The following AUNIP variants were observed in gnomAD, a reference collection of about 807,000 sequenced individuals.
AUNIP encodes aurora kinase A and ninein interacting protein.
Under a neutral mutation model 12.2 loss-of-function variants are expected in AUNIP, and 16 were observed. That is an observed-to-expected ratio of 1.31 (90% CI 0.88 to 1.99). The LOEUF is 1.99. Ranked by LOEUF, AUNIP falls within the 30% of genes most tolerant of loss-of-function variation. The pLI, the probability that AUNIP is intolerant of heterozygous loss-of-function variation, is 0.00. For missense variants in AUNIP, 411 were observed against 419.1 expected (o/e 0.98, Z 0.17); for synonymous variants, 142 against 154.8 (o/e 0.92, Z 0.61).
At chr1:25,837,585 C>T in intron 1 of AUNIP, 31 bp from the exon 2 acceptor site, 1 of 1,597,728 alleles carries the variant, frequency 6.3e-7, no homozygotes, top group South Asian at 1.1e-5. Context: ...GAATAATGAG[C>T]CTATTAATAT....
At position 25,835,217 on chromosome 1, in the gene AUNIP, A is replaced by G. The variant is rs377379227; in HGVS notation, c.850T>C (p.Trp284Arg). 18 of 1,614,070 alleles carry G rather than the reference A, an allele frequency of 1.1e-5. No individual in the cohort carries two copies. Among genetic ancestry groups the G allele is most frequent in the African/African-American group, 2.7e-5 (2 of 74,946 alleles). Reference sequence around the variant, plus strand: ...GAATCTTCAGTGAAAAGTTGACTCCAGGAGTCCTTGTCATTCTTTTCATTG... The same window carrying G: ...GAATCTTCAGTGAAAAGTTGACTCCGGGAGTCCTTGTCATTCTTTTCATTG... ...WDNEKNDKDS[W>R]SQLFTEDSQG... is the part of the protein sequence containing the mutation. Residue 284 changes from tryptophan to arginine, a missense_variant, in exon 3 of 3, where the codon TGG (tryptophan) becomes CGG (arginine). Trp to Arg is a moderately radical substitution (Grantham distance 101). Coordinates refer to ENST00000374298, the MANE Select transcript of AUNIP (RefSeq NM_024037.3).
Position 25,853,246 on chromosome 1 carries a change from G to A in AUNIP, c.78+6034C>T, listed in dbSNP as rs1156845046. On this transcript the variant is annotated intron_variant, in intron 1 of 2. Transcript: ENST00000374298. ...GTTCACAAAATCTTTCTTAATATTA[G>A]CTGTATTAGTGTTGTATTGCTTTGT... Among the ~76,000 whole-genome samples, 4 of 152,148 alleles carry A rather than the reference G, an allele frequency of 2.6e-5. No homozygotes were observed. In the East Asian group the frequency reaches 5.8e-4, roughly 22 times the overall value.
At position 25,834,021 on chromosome 1, in the gene AUNIP, T is replaced by G. The variant is rs2048276646; in HGVS notation, c.*972A>C. The G allele has an allele frequency of 1.0e-6, 1 of 984,404 alleles. No homozygotes were observed. The highest frequency in any genetic ancestry group is 1.2e-6 in the Non-Finnish European group (1 of 829,118). 61.0% of individuals were successfully genotyped at this position (984,404 alleles called of 1,614,324 possible). A position where few individuals can be genotyped will look rare whatever the true frequency, so the allele number is the denominator to read the frequency against. The stretch of plus-strand genomic sequence containing the variant: ...TCACAAGAGCCACTTTGTAAACATT[T>G]ATTTGGATTCATAGTTTTACAAAGG... On this transcript the variant is annotated 3_prime_UTR_variant, in exon 3 of 3. Transcript: ENST00000374298.
chr1:25,843,898 C>A, intron 1 of AUNIP, among the ~76,000 whole-genome samples: 1 of 152,010 alleles, frequency 6.6e-6, no homozygotes. Context: ...GGAGTCTACT[C>A]CTGGTGAGGA....
chr1:25,837,282 CCTCTT>C (rs1317996067), intron 2 of AUNIP, 126 bp downstream of exon 2: 1 of 1,115,474 alleles, frequency 9.0e-7, no homozygotes, highest in South Asian at 2.0e-5. Flanking sequence ...TGTTTTATAA[CCTCTT>C]CTAACAGGCT....
At chr1:25,857,045 G>A (rs2048467403) in intron 1 of AUNIP, among the ~76,000 whole-genome samples, 1 of 152,116 alleles carries the variant, frequency 6.6e-6, no homozygotes, top group East Asian at 1.9e-4. Context: ...GGAGCCCGGG[G>A]GCGTTGAGGC....
chr1:25,840,969 T>A (rs1042126910), intron 1 of AUNIP, among the ~76,000 whole-genome samples: 2 of 152,234 alleles, frequency 1.3e-5, no homozygotes, highest in African/African-American at 4.8e-5. Context: ...GTTATTTAAA[T>A]TACTACAAGT....
At chr1:25,851,416 C>T (rs980124259) in intron 1 of AUNIP, among the ~76,000 whole-genome samples, 1 of 152,026 alleles carries the variant, frequency 6.6e-6, no homozygotes, top group African/African-American at 2.4e-5. Context: ...CTCTTCTATT[C>T]TATTTTTTTG....
chr1:25,833,752 T>C (rs1420945208), downstream of AUNIP, among the ~76,000 whole-genome samples: 1 of 151,058 alleles, frequency 6.6e-6, no homozygotes, highest in Non-Finnish European at 1.5e-5. Context: ...AGACCGTGTC[T>C]CAAAAAAATA....
Position 25,835,446 on chromosome 1 carries a change from GTTC to G in AUNIP, c.618_620del (p.Lys206del), listed in dbSNP as rs1204211243. 6 of 1,614,102 alleles carry G rather than the reference GTTC, an allele frequency of 3.7e-6. No homozygotes were observed. The highest frequency in any genetic ancestry group is 1.1e-5 in the South Asian group (1 of 91,094). The stretch of plus-strand genomic sequence containing the variant: ...TGGTGTGTTTCTCCATACTCTGATA[GTTC>G]TTCTTAGACTCATGAAGCCATTCCC... On this transcript the variant is annotated inframe_deletion, in exon 3 of 3. Coordinates refer to ENST00000374298, the MANE Select transcript of AUNIP (RefSeq NM_024037.3).
intron 1 of AUNIP, among the ~76,000 whole-genome samples, chr1:25,855,705 A>G (rs1414763606): frequency 6.6e-6 from 1 of 152,192 alleles, no homozygotes; most frequent in East Asian, 1.9e-4. Flanking sequence ...TCAAAAACAC[A>G]GACACTAGGT....
chr1:25,833,970 A>T (rs552118668), downstream of AUNIP: 1 of 943,290 alleles, frequency 1.1e-6, no homozygotes, highest in Admixed American at 6.2e-5. Context: ...CAAAAATAAA[A>T]TTGGTAATGG....
At chr1:25,841,937 C>T (rs114949758) in intron 1 of AUNIP, among the ~76,000 whole-genome samples, 230 of 152,284 alleles carry the variant, frequency 1.5e-3, no homozygotes, top group African/African-American at 5.1e-3. Context: ...CTGTTCCACT[C>T]ACTGGCCACT....
intron 1 of AUNIP, among the ~76,000 whole-genome samples, chr1:25,843,540 T>TAA (rs927523022): frequency 1.5e-5 from 2 of 132,238 alleles, no homozygotes; most frequent in Non-Finnish European, 3.0e-5. Context: ...AAGGATCACT[T>TAA]AAGCTCAGGA....
At position 25,835,276 on chromosome 1, in the gene AUNIP, T is replaced by A; in HGVS notation, c.791A>T (p.Gln264Leu). The change falls in exon 3 of 3, where the codon CAA (glutamine) becomes CTA (leucine). Residue 264 changes from glutamine to leucine, a missense_variant. Gln to Leu is a moderately radical substitution (Grantham distance 113). Transcript: ENST00000374298. The stretch of plus-strand genomic sequence containing the variant: ...AAACACAGAAACTGGACTACGGCTT[T>A]GTTTCACTGATTCTATGTTTTCTCC... ...WNGENIESVK[Q>L]SRSPVSVFSW... The A allele has an allele frequency of 6.2e-7, 1 of 1,614,212 alleles. No homozygotes were observed. The highest frequency in any genetic ancestry group is 8.5e-7 in the Non-Finnish European group (1 of 1,180,014).
chr1:25,832,180 A>G, downstream of AUNIP: 1 of 1,542,786 alleles, frequency 6.5e-7, no homozygotes, highest in Non-Finnish European at 8.7e-7. Context: ...GAGCTGGATT[A>G]TATATTTCCC....
intron 1 of AUNIP, among the ~76,000 whole-genome samples, chr1:25,843,029 A>C (rs1442987877): frequency 6.6e-6 from 1 of 151,830 alleles, no homozygotes; most frequent in Non-Finnish European, 1.5e-5. Flanking sequence ...AAAAATTTAA[A>C]AATTAGCAAG....
chr1:25,852,714 A>T (rs1263834585), intron 1 of AUNIP, among the ~76,000 whole-genome samples: 3 of 152,200 alleles, frequency 2.0e-5, no homozygotes, highest in Non-Finnish European at 4.4e-5. Flanking sequence ...TGTTGGGATT[A>T]CAGGTGTGAG....
At chr1:25,854,133 C>A (rs962373750) in intron 1 of AUNIP, among the ~76,000 whole-genome samples, 1 of 152,102 alleles carries the variant, frequency 6.6e-6, no homozygotes, top group Non-Finnish European at 1.5e-5. Flanking sequence ...CTGCTTCAAC[C>A]CAGCAGGTGG....
Sources: allele counts gnomAD v4.1 joint callset (sites outside exome capture counted in the v4.1 genomes callset), GRCh38; gene constraint gnomAD v4.1.1; transcripts MANE v1.5; gene names NCBI Gene and HGNC (gene_info 2026-07-23, HGNC 2026-07-21).